The following ARHGAP28 variants were observed in gnomAD, a reference collection of about 807,000 sequenced individuals.
ARHGAP28 encodes the protein rho GTPase-activating protein 28.
ARHGAP28 carries 56 observed loss-of-function variants against 90.7 expected under a neutral mutation model. That is an observed-to-expected ratio of 0.62 (90% CI 0.50 to 0.77). The LOEUF is 0.77. ARHGAP28 is among the 30% of genes least tolerant of loss of function. ARHGAP28 has a pLI of 0.00. For missense variants in ARHGAP28, 869 were observed against 900.9 expected, an observed-to-expected ratio of 0.96 and a Z score of 0.45; for synonymous variants, 308 against 323.3, an observed-to-expected ratio of 0.95 and a Z score of 0.51.
chr18:6,886,069 ATTG>A (rs1407608905), intron 11 of ARHGAP28, among the ~76,000 whole-genome samples: 3 of 152,016 alleles, frequency 2.0e-5, no homozygotes, highest in African/African-American at 7.2e-5. Flanking sequence ...CTCTCCCCAT[ATTG>A]CTTGGTTGTA....
chr18:6,899,336 G>A (rs371060603), intron 16 of ARHGAP28, among the ~76,000 whole-genome samples: 6 of 152,124 alleles, frequency 3.9e-5, no homozygotes, highest in East Asian at 1.9e-4. Flanking sequence ...GAAATGACAC[G>A]GTGGTGAGTT....
intron 16 of ARHGAP28, among the ~76,000 whole-genome samples, chr18:6,900,828 C>T (rs1264417817): frequency 6.6e-6 from 1 of 152,106 alleles, no homozygotes; most frequent in Non-Finnish European, 1.5e-5. Flanking sequence ...ACAGTGAACC[C>T]AAATGGGATA....
rs181759262 is a variant in ARHGAP28, at chr18:6,900,711, G to A, written c.2030+4085G>A. Among the ~76,000 whole-genome samples, 53 of 152,066 alleles carry A rather than the reference G, an allele frequency of 3.5e-4. 1 individual carries two copies. The highest frequency in any genetic ancestry group is 1.9e-4 in the East Asian group (1 of 5,166). On this transcript the variant is annotated intron_variant, in intron 16 of 17. Transcript: ENST00000383472. The stretch of plus-strand genomic sequence containing the variant: ...GTGAGCTAAATATCATACAATCAGC[G>A]TCCCAAAAGGAAAGGAAATACAGAG...
chr18:6,888,871 G>T (rs1322297272), intron 12 of ARHGAP28, among the ~76,000 whole-genome samples: 1 of 152,114 alleles, frequency 6.6e-6, no homozygotes, highest in African/African-American at 2.4e-5. Context: ...ATTGCAGCTG[G>T]TGTGGGTTAG....
intron 1 of ARHGAP28, among the ~76,000 whole-genome samples, chr18:6,781,386 C>T (rs1338457329): frequency 6.6e-6 from 1 of 152,162 alleles, no homozygotes; most frequent in Non-Finnish European, 1.5e-5. Flanking sequence ...GCCCCTGCCA[C>T]GGGGATCCTT....
At chr18:6,904,563 A>G (rs979212340) in intron 16 of ARHGAP28, among the ~76,000 whole-genome samples, 2 of 152,154 alleles carry the variant, frequency 1.3e-5, no homozygotes, top group African/African-American at 2.4e-5. Flanking sequence ...AGCAAAATAT[A>G]CCCGAAGGAA....
intron 1 of ARHGAP28, among the ~76,000 whole-genome samples, chr18:6,759,732 G>A (rs2143320829): frequency 6.6e-6 from 1 of 152,240 alleles, no homozygotes. Flanking sequence ...AACTATGAAA[G>A]AATAACAGAG....
chr18:6,891,001 C>A (rs2033944343), intron 14 of ARHGAP28, among the ~76,000 whole-genome samples: 1 of 152,168 alleles, frequency 6.6e-6, no homozygotes, highest in South Asian at 2.1e-4. Context: ...TTTGTTTTAA[C>A]ACAGTTATTT....
intron 5 of ARHGAP28, among the ~76,000 whole-genome samples, chr18:6,866,441 A>G (rs1478993359): frequency 1.3e-5 from 2 of 152,094 alleles, no homozygotes; most frequent in African/African-American, 4.8e-5. Flanking sequence ...ATGCTTCTGC[A>G]TGTCTCCTCT....
chr18:6,867,383 G>A (rs759227926), intron 5 of ARHGAP28, among the ~76,000 whole-genome samples: 3 of 152,162 alleles, frequency 2.0e-5, no homozygotes, highest in Non-Finnish European at 4.4e-5. Context: ...TGGAGTAGCA[G>A]ATTTCACTAT....
chr18:6,743,282 G>A (rs1443439854), intron 1 of ARHGAP28, among the ~76,000 whole-genome samples: 1 of 152,060 alleles, frequency 6.6e-6, no homozygotes, highest in African/African-American at 2.4e-5. Context: ...TTGCTTATAG[G>A]ATAAAGCTTT....
At chr18:6,835,773 C>A (rs907398153) in intron 2 of ARHGAP28, among the ~76,000 whole-genome samples, 11 of 152,048 alleles carry the variant, frequency 7.2e-5, no homozygotes, top group African/African-American at 2.4e-4. Flanking sequence ...GATTAACATT[C>A]AGAATAAGGA....
intron 1 of ARHGAP28, among the ~76,000 whole-genome samples, chr18:6,791,845 TTTG>T (rs1341518577): frequency 8.6e-5 from 13 of 151,990 alleles, no homozygotes; most frequent in Admixed American, 2.0e-4. Flanking sequence ...GTGGGTTTTT[TTTG>T]TTTGTTTGTT....
At chr18:6,810,549 C>T (rs2056549124) in intron 1 of ARHGAP28, among the ~76,000 whole-genome samples, 2 of 152,078 alleles carry the variant, frequency 1.3e-5, no homozygotes. Context: ...CCCCCCTTGA[C>T]CTTCCAATAA....
intron 3 of ARHGAP28, among the ~76,000 whole-genome samples, chr18:6,849,164 G>A (rs533607860): frequency 6.6e-5 from 10 of 151,300 alleles, no homozygotes; most frequent in South Asian, 2.1e-4. Context: ...AGGCTGACAC[G>A]GGAGGATCCC....
chr18:6,876,549 A>G (rs1471120322), intron 10 of ARHGAP28, among the ~76,000 whole-genome samples: 1 of 152,194 alleles, frequency 6.6e-6, no homozygotes, highest in Non-Finnish European at 1.5e-5. Flanking sequence ...GTAAAAGTTG[A>G]AACGTCTCAC....
At chr18:6,772,489 A>T (rs978169811) in intron 1 of ARHGAP28, among the ~76,000 whole-genome samples, 1 of 152,222 alleles carries the variant, frequency 6.6e-6, no homozygotes, top group Non-Finnish European at 1.5e-5. Flanking sequence ...TACTTGGAGT[A>T]CCCATTCAAC....
At chr18:6,853,030 A>G (rs2056922419) in intron 4 of ARHGAP28, among the ~76,000 whole-genome samples, 1 of 152,018 alleles carries the variant, frequency 6.6e-6, no homozygotes, top group South Asian at 2.1e-4. Flanking sequence ...TAGATCCTAG[A>G]TCCTGCCATA....
Position 6,739,364 on chromosome 18 carries a change from A to G in ARHGAP28, c.122+9421A>G, listed in dbSNP as rs898743234. Among the ~76,000 whole-genome samples the G allele has an allele frequency of 3.0e-4, 46 of 152,256 alleles. 1 individual carries two copies. Among genetic ancestry groups the G allele is most frequent in the African/African-American group, 1.1e-3 (46 of 41,564 alleles). On this transcript the variant is annotated intron_variant, in intron 1 of 17. Coordinates refer to ENST00000383472, the MANE Select transcript of ARHGAP28 (RefSeq NM_001366230.1). ...TCTATTCTGTTTTAATGGAATAAGC[A>G]TAGAAGTGGGTATGAATGGATATAT...
Sources: gnomAD v4.1 joint callset for allele counts (sites outside exome capture counted in the v4.1 genomes callset) on GRCh38, gnomAD v4.1.1 for gene constraint, MANE v1.5 for transcripts, NCBI Gene and HGNC (gene_info 2026-07-23, HGNC 2026-07-21) for gene names.